DOCK1: variants seen among roughly 807,000 people sequenced by gnomAD.
The protein encoded by DOCK1 is dedicator of cytokinesis protein 1.
Under a neutral mutation model 262.7 loss-of-function variants are expected in DOCK1, and 138 were observed. The observed-to-expected ratio is 0.53, with a 90% confidence interval of 0.46 to 0.61. DOCK1 has a LOEUF of 0.61. Ranked by LOEUF, DOCK1 falls within the 20% of genes least tolerant of loss-of-function variation. The pLI is 0.00. For missense variants in DOCK1, 1,908 were observed against 2,370.7 expected (o/e 0.80, Z 4.05); for synonymous variants, 866 against 867.4 (o/e 1.00, Z 0.03).
chr10:127,229,607 G>C (rs1378525759), intron 27 of DOCK1, among the ~76,000 whole-genome samples: 3 of 152,068 alleles, frequency 2.0e-5, no homozygotes, highest in Non-Finnish European at 4.4e-5. Flanking sequence ...TGTGTTTTTA[G>C]ATCACATTTT....
chr10:127,287,835 G>A (rs2061214266), intron 29 of DOCK1, among the ~76,000 whole-genome samples: 1 of 152,124 alleles, frequency 6.6e-6, no homozygotes, highest in Non-Finnish European at 1.5e-5. Context: ...TCAATATACA[G>A]TAGTTTTTCA....
rs1440315233 is a variant in DOCK1, at chr10:127,249,352, T to C, written c.2949+1243T>C. ...ATCCTTTGAAAAAATAATATTTTTA[T>C]ACTTATATATACATATATATACACA... On this transcript the variant is annotated intron_variant, in intron 28 of 51. Transcript: ENST00000623213. 1.4e-4 allele frequency among the ~76,000 whole-genome samples: 22 copies of C among 151,732 alleles called. 1 individual carries two copies. The highest frequency in any genetic ancestry group is 1.4e-3 in the Admixed American group (22 of 15,218).
chr10:127,359,375 C>T (rs2064300937), intron 32 of DOCK1, among the ~76,000 whole-genome samples: 1 of 152,226 alleles, frequency 6.6e-6, no homozygotes, highest in Non-Finnish European at 1.5e-5. Flanking sequence ...CCACTTGTGA[C>T]TGCTTTCTAT....
At chr10:127,066,173 C>T (rs2045860404) in intron 23 of DOCK1, among the ~76,000 whole-genome samples, 1 of 152,068 alleles carries the variant, frequency 6.6e-6, no homozygotes, top group African/African-American at 2.4e-5. Flanking sequence ...GTTCTGTGTT[C>T]TGCCCCAAGA....
intron 29 of DOCK1, among the ~76,000 whole-genome samples, chr10:127,324,909 G>A (rs1168194266): frequency 6.6e-6 from 1 of 152,270 alleles, no homozygotes; most frequent in East Asian, 1.9e-4. Context: ...TGCATGGATA[G>A]TCATCTTAGG....
At position 127,012,216 on chromosome 10, in the gene DOCK1, G is replaced by T. The variant is rs745642499; in HGVS notation, c.1059-16G>T. 6 of 1,436,136 alleles carry T rather than the reference G, an allele frequency of 4.2e-6. No homozygotes were observed. Among genetic ancestry groups the T allele is most frequent in the Non-Finnish European group, 5.9e-6 (6 of 1,019,008 alleles). The allele number at this position is 1,436,136 out of a possible 1,614,324, so 89.0% of individuals were successfully genotyped here. A position where few individuals can be genotyped will look rare whatever the true frequency, so the allele number is the denominator to read the frequency against. On this transcript the variant is annotated splice_polypyrimidine_tract_variant and intron_variant, in intron 11 of 51. Transcript: ENST00000623213. The surrounding 1 kb of genome is among the most constrained non-coding windows in gnomAD (Gnocchi z 4.0). Reference sequence around the variant, plus strand: ...CCCTTTGTCTCCTGTGGTCTTGGTCGTCCCGTGCCCTCCAGGCTCGCGTTG... The same window carrying T: ...CCCTTTGTCTCCTGTGGTCTTGGTCTTCCCGTGCCCTCCAGGCTCGCGTTG...
chr10:126,998,208 C>T lies in DOCK1; in HGVS notation c.726C>T (p.Val242=), dbSNP rs754605204. 1.9e-6 allele frequency: 3 copies of T among 1,613,876 alleles called. No individual in the cohort carries two copies. Among genetic ancestry groups the T allele is most frequent in the Non-Finnish European group, 2.5e-6 (3 of 1,179,898 alleles). ...VVCKIGEDAE[V]LMSLYDPVES... ...GTAAAATAGGAGAAGATGCTGAAGTCCTCATGTCTCTATATGACCCTGTGG... is the reference window on the plus strand; with the variant it reads ...GTAAAATAGGAGAAGATGCTGAAGTTCTCATGTCTCTATATGACCCTGTGG... Residue 242 remains valine, a synonymous_variant, in exon 8 of 52, where the codon GTC becomes GTT. Transcript: ENST00000623213.
chr10:127,257,276 G>C, intron 28 of DOCK1, 59 bp from the exon 29 acceptor site: 3 of 1,308,956 alleles, frequency 2.3e-6, no homozygotes, highest in Non-Finnish European at 3.2e-6. Flanking sequence ...TTGACAGGAG[G>C]GTATCATGTT....
intron 16 of DOCK1, 123 bp downstream of exon 16, chr10:127,026,547 C>A: frequency 3.5e-6 from 3 of 853,870 alleles, no homozygotes; most frequent in Non-Finnish European, 5.6e-6. Context: ...CATTTCCCAC[C>A]GGAACCTATT....
intron 27 of DOCK1, among the ~76,000 whole-genome samples, chr10:127,139,092 G>A (rs1392343614): frequency 6.6e-6 from 1 of 152,152 alleles, no homozygotes; most frequent in Admixed American, 6.5e-5. Flanking sequence ...TCCATGTCTG[G>A]TCTGGATGCC....
intron 10 of DOCK1, among the ~76,000 whole-genome samples, chr10:127,004,018 G>C (rs2040800753): frequency 6.6e-6 from 1 of 151,796 alleles, no homozygotes; most frequent in Non-Finnish European, 1.5e-5. Flanking sequence ...ACTTTAGGAG[G>C]CCGAGGCAGG....
chr10:127,141,276 C>T (rs1011333774), intron 27 of DOCK1, among the ~76,000 whole-genome samples: 11 of 152,216 alleles, frequency 7.2e-5, no homozygotes, highest in Non-Finnish European at 1.5e-4. Context: ...TGCATCTTCT[C>T]GAATGCAGGC....
At chr10:127,114,651 A>G (rs2049063428) in intron 25 of DOCK1, among the ~76,000 whole-genome samples, 1 of 151,962 alleles carries the variant, frequency 6.6e-6, no homozygotes, top group Non-Finnish European at 1.5e-5. Context: ...GGCTAAAACT[A>G]TGGAAAATTT....
At chr10:127,136,698 A>G (rs556878245) in intron 27 of DOCK1, 2 of 152,774 alleles carry the variant, frequency 1.3e-5, no homozygotes, top group South Asian at 4.1e-4. Flanking sequence ...AAAAATACCT[A>G]AAAACATTTG....
intron 27 of DOCK1, among the ~76,000 whole-genome samples, chr10:127,172,851 T>A (rs1327146964): frequency 6.6e-6 from 1 of 152,190 alleles, no homozygotes; most frequent in Non-Finnish European, 1.5e-5. Flanking sequence ...CCGGAGTGAA[T>A]GACATTTCGT....
At chr10:127,274,907 T>C (rs2060691048) in intron 29 of DOCK1, among the ~76,000 whole-genome samples, 3 of 152,148 alleles carry the variant, frequency 2.0e-5, no homozygotes, top group Admixed American at 2.0e-4. Flanking sequence ...GAATAATATC[T>C]AAAATGTTCT....
rs540364777 is a variant in DOCK1, at chr10:127,213,487, G to A, written c.2848-34521G>A. ...GGGTGTTTTTCAAAATGTTTGATTG[G>A]AATAGTGATAAGTTCTCTTTAAAGA... On this transcript the variant is annotated intron_variant, in intron 27 of 51. Transcript: ENST00000623213. Among the ~76,000 whole-genome samples the A allele has an allele frequency of 1.0e-3, 152 of 152,250 alleles. 1 individual carries two copies. The highest frequency in any genetic ancestry group is 3.4e-3 in the African/African-American group (140 of 41,532).
At chr10:127,233,443 T>C (rs1474356500) in intron 27 of DOCK1, among the ~76,000 whole-genome samples, 1 of 152,204 alleles carries the variant, frequency 6.6e-6, no homozygotes, top group African/African-American at 2.4e-5. Context: ...TTTTTCTCAA[T>C]GAGCAGACAT....
chr10:126,971,524 T>C (rs1310100865), intron 2 of DOCK1, among the ~76,000 whole-genome samples: 1 of 151,836 alleles, frequency 6.6e-6, no homozygotes, highest in East Asian at 2.0e-4. Flanking sequence ...TCAAGCAGTC[T>C]TGCCACCTCA....
Sources: gnomAD v4.1 joint callset for allele counts (sites outside exome capture counted in the v4.1 genomes callset) on GRCh38, gnomAD v4.1.1 for gene constraint, Gnocchi (gnomAD v3.1) non-coding constraint, MANE v1.5 for transcripts, NCBI Gene and HGNC (gene_info 2026-07-23, HGNC 2026-07-21) for gene names.